The following VPS41 variants were observed in gnomAD, a reference collection of about 807,000 sequenced individuals.
VPS41 encodes the protein VPS41 subunit of HOPS complex.
In VPS41, 85 loss-of-function variants were observed where a neutral mutation model predicts 130.9. The ratio of observed to expected loss-of-function variants is 0.65; its 90% CI spans 0.55 to 0.78. VPS41 has a LOEUF of 0.78. VPS41 is among the 30% of genes least tolerant of loss of function. VPS41 has a pLI of 0.00. For missense variants in VPS41, 874 were observed against 1,018.7 expected (o/e 0.86, Z 1.93); for synonymous variants, 335 against 332.9 (o/e 1.01, Z -0.07).
rs141609721 is a variant in VPS41 at position 38,779,069 on chromosome 7, G to C, written c.785-2293C>G. ...TTCTAAAACAAAACAAAGAAAAATT[G>C]CAGGTGCACATATCTATTTCACTTC... On this transcript the variant is annotated intron_variant, in intron 10 of 28. Transcript: ENST00000310301. 2.3e-3 allele frequency among the ~76,000 whole-genome samples: 344 copies of C among 152,266 alleles called. 2 individuals carry two copies. Among genetic ancestry groups the C allele is most frequent in the African/African-American group, 7.8e-3 (326 of 41,560 alleles).
intron 14 of VPS41, among the ~76,000 whole-genome samples, chr7:38,769,554 C>T (rs1156284240): frequency 6.6e-6 from 1 of 152,138 alleles, no homozygotes; most frequent in African/African-American, 2.4e-5. Context: ...TTCATCATTT[C>T]TCCCAATCCT....
intron 5 of VPS41, among the ~76,000 whole-genome samples, chr7:38,827,618 G>T (rs145897199): frequency 6.6e-6 from 1 of 152,296 alleles, no homozygotes; most frequent in East Asian, 1.9e-4. Flanking sequence ...AAGATGGGGA[G>T]AGGGAGGCAC....
At chr7:38,771,643 TA>T (rs1445930710) in intron 13 of VPS41, among the ~76,000 whole-genome samples, 4 of 152,204 alleles carry the variant, frequency 2.6e-5, no homozygotes, top group Admixed American at 6.5e-5. Flanking sequence ...GACATATTGA[TA>T]AAGGAGCATT....
chr7:38,876,862 T>C (rs774027963), intron 2 of VPS41, among the ~76,000 whole-genome samples: 4 of 152,158 alleles, frequency 2.6e-5, no homozygotes, highest in Non-Finnish European at 5.9e-5. Context: ...CTAAGCCACA[T>C]ACCATAAACA....
chr7:38,753,618 C>A (rs1184192557), intron 21 of VPS41, among the ~76,000 whole-genome samples: 1 of 152,166 alleles, frequency 6.6e-6, no homozygotes, highest in African/African-American at 2.4e-5. Context: ...GGCTGTGCCA[C>A]CACTTCACCA....
chr7:38,818,500 C>A (rs1785106328), intron 6 of VPS41, among the ~76,000 whole-genome samples: 1 of 152,178 alleles, frequency 6.6e-6, no homozygotes, highest in African/African-American at 2.4e-5. Context: ...CCCTTGCTAC[C>A]CAGGTTTCTC....
At chr7:38,773,440 T>C (rs1393625455) in intron 12 of VPS41, among the ~76,000 whole-genome samples, 1 of 152,186 alleles carries the variant, frequency 6.6e-6, no homozygotes, top group African/African-American at 2.4e-5. Flanking sequence ...CTTCATTTCC[T>C]TTGGCCACAA....
In VPS41 at chr7:38,870,823, TAAA is replaced by T. The variant is rs11355704; in HGVS notation, c.61-1573_61-1571del. Among the ~76,000 whole-genome samples the T allele has an allele frequency of 7.0e-3, 679 of 96,324 alleles. 3 individuals are homozygous for T. Among genetic ancestry groups the T allele is most frequent in the African/African-American group, 0.017 (489 of 29,580 alleles). 63.2% of individuals were successfully genotyped at this position (96,324 alleles called of 152,430 possible). A position where few individuals can be genotyped will look rare whatever the true frequency, so the allele number is the denominator to read the frequency against. ...AATTTTCAACAGAATTCTAATCTGT[TAAA>T]AAAAAAAAAAAGAATCAAATGAAAT... On this transcript the variant is annotated intron_variant, in intron 2 of 28. Coordinates refer to ENST00000310301, the MANE Select transcript of VPS41 (RefSeq NM_014396.4).
intron 13 of VPS41, among the ~76,000 whole-genome samples, chr7:38,771,467 T>A (rs1424080084): frequency 2.0e-5 from 3 of 152,214 alleles, no homozygotes; most frequent in African/African-American, 7.2e-5. Flanking sequence ...TGAACCTCAC[T>A]GAATTCAAAC....
intron 2 of VPS41, among the ~76,000 whole-genome samples, chr7:38,893,613 C>T (rs1584450381): frequency 6.6e-6 from 1 of 152,310 alleles, no homozygotes; most frequent in East Asian, 1.9e-4. Context: ...TCAAAACATC[C>T]ACGCTGGAAG....
intron 2 of VPS41, among the ~76,000 whole-genome samples, chr7:38,884,659 C>A (rs1786684144): frequency 6.6e-6 from 1 of 152,084 alleles, no homozygotes; most frequent in Admixed American, 6.5e-5. Context: ...CTGGCCTACA[C>A]CAATTAACTG....
chr7:38,847,022 C>T (rs1280247030), intron 4 of VPS41, among the ~76,000 whole-genome samples: 2 of 152,026 alleles, frequency 1.3e-5, no homozygotes, highest in Non-Finnish European at 2.9e-5. Context: ...GAGACTTCAC[C>T]GTGTCTGGCC....
chr7:38,747,393 G>A (rs1038181336), intron 22 of VPS41, among the ~76,000 whole-genome samples: 7 of 152,326 alleles, frequency 4.6e-5, no homozygotes, highest in African/African-American at 9.6e-5. Context: ...ATAGAACACT[G>A]TAATACAACT....
chr7:38,761,170 TTCCTTCCTTG>T (rs1355310943), intron 17 of VPS41, among the ~76,000 whole-genome samples: 1 of 151,742 alleles, frequency 6.6e-6, no homozygotes, highest in Non-Finnish European at 1.5e-5. Flanking sequence ...TTCCTTGTCT[TTCCTTCCTTG>T]TCCTTCCTTT....
intron 14 of VPS41, among the ~76,000 whole-genome samples, chr7:38,768,942 C>T (rs1279935585): frequency 6.6e-6 from 1 of 151,936 alleles, no homozygotes; most frequent in Non-Finnish European, 1.5e-5. Context: ...GCTACAGCCT[C>T]AGCTACAGCC....
At chr7:38,751,698 G>A (rs1437571002) in intron 22 of VPS41, among the ~76,000 whole-genome samples, 1 of 152,128 alleles carries the variant, frequency 6.6e-6, no homozygotes, top group Non-Finnish European at 1.5e-5. Context: ...GGATGTAGGA[G>A]AAACAAAGAA....
intron 13 of VPS41, among the ~76,000 whole-genome samples, chr7:38,771,689 G>A (rs1460230703): frequency 6.6e-6 from 1 of 152,068 alleles, no homozygotes; most frequent in Admixed American, 6.5e-5. Context: ...TGAACTATAC[G>A]CATGTTTATG....
Position 38,743,395 on chromosome 7 carries a change from T to A in VPS41, c.2122+7A>T, listed in dbSNP as rs751943362. 2.5e-6 allele frequency: 4 copies of A among 1,613,686 alleles called. No individual in the cohort carries two copies. Among genetic ancestry groups the A allele is most frequent in the Non-Finnish European group, 3.4e-6 (4 of 1,179,766 alleles). On this transcript the variant is annotated splice_region_variant and intron_variant, in intron 24 of 28. Transcript: ENST00000310301. ...AAGTTATAACCAGAGATGGCTTTTA[T>A]GCTTACGTGGTTTGTCAATGGAATA...
At chr7:38,878,756 A>T (rs1786542031) in intron 2 of VPS41, among the ~76,000 whole-genome samples, 1 of 152,248 alleles carries the variant, frequency 6.6e-6, no homozygotes, top group Non-Finnish European at 1.5e-5. Context: ...AGCTTTCAGT[A>T]AATACAAAGG....
Sources: gnomAD v4.1 joint callset for allele counts (sites outside exome capture counted in the v4.1 genomes callset) on GRCh38, gnomAD v4.1.1 for gene constraint, MANE v1.5 for transcripts, NCBI Gene and HGNC (gene_info 2026-07-23, HGNC 2026-07-21) for gene names.